Variants in ACSBG1 observed in about 807,000 individuals in gnomAD.
ACSBG1 encodes the protein long-chain-fatty-acid--CoA ligase ACSBG1.
A neutral mutation model predicts 80.2 loss-of-function variants in ACSBG1; 39 were observed. The observed-to-expected ratio is 0.49, with a 90% CI of 0.38 to 0.64. The LOEUF (loss-of-function observed/expected upper bound fraction) is 0.64. ACSBG1 is among the 30% of genes least tolerant of loss of function. ACSBG1 has a pLI of 0.00. For synonymous variants in ACSBG1, 392 were observed against 379.5 expected, an observed-to-expected ratio of 1.03 and a Z score of -0.38; for missense variants, 828 against 966.4, an observed-to-expected ratio of 0.86 and a Z score of 1.90.
At chr15:78,179,842 C>CACAT in intron 9 of ACSBG1, 62 bp from the exon 10 acceptor site, 4 of 934,216 alleles carry the variant, frequency 4.3e-6, no homozygotes, top group Non-Finnish European at 1.5e-6. Context: ...CACACACACA[C>CACAT]ATACACACAT....
chr15:78,210,723 C>T (rs2141370849), intron 1 of ACSBG1, among the ~76,000 whole-genome samples: 1 of 152,366 alleles, frequency 6.6e-6, no homozygotes, highest in South Asian at 2.1e-4. Flanking sequence ...AAGCAATCCT[C>T]TCATCTCAGC....
intron 13 of ACSBG1, among the ~76,000 whole-genome samples, chr15:78,173,065 G>C (rs949963257): frequency 5.3e-5 from 8 of 152,196 alleles, no homozygotes; most frequent in African/African-American, 1.9e-4. Context: ...GCACATATCA[G>C]CTGGGCGCAG....
chr15:78,206,965 G>A (rs2075221479), intron 2 of ACSBG1, among the ~76,000 whole-genome samples: 1 of 152,088 alleles, frequency 6.6e-6, no homozygotes, highest in African/African-American at 2.4e-5. Flanking sequence ...GTTTTGCTGT[G>A]GCCCAGGCCC....
intron 1 of ACSBG1, among the ~76,000 whole-genome samples, chr15:78,212,140 T>C (rs886087630): frequency 6.6e-6 from 1 of 152,168 alleles, no homozygotes; most frequent in African/African-American, 2.4e-5. Context: ...GCCACTGTTG[T>C]GTATGAAGTA....
At chr15:78,193,190 G>A (rs987338652) in intron 5 of ACSBG1, among the ~76,000 whole-genome samples, 8 of 152,046 alleles carry the variant, frequency 5.3e-5, no homozygotes, top group African/African-American at 1.2e-4. Context: ...AGAGGACCCC[G>A]GCCCCCACAG....
chr15:78,234,556 TTGAG>T lies in ACSBG1; in HGVS notation c.-59_-56del. 6.3e-7 allele frequency: 1 copy of T among 1,585,852 alleles called. No individual in the cohort carries two copies. Among genetic ancestry groups the T allele is most frequent in the Non-Finnish European group, 8.6e-7 (1 of 1,169,460 alleles). Reference sequence around the variant, plus strand: ...AGTCACCCACTGAGAGAGGCTAGCCTTGAGTGAGCAGTGGGGGTGGGCATGGGGC... The same window carrying T: ...AGTCACCCACTGAGAGAGGCTAGCCTTGAGCAGTGGGGGTGGGCATGGGGC... On this transcript the variant is annotated 5_prime_UTR_variant, in exon 1 of 14. Coordinates refer to ENST00000258873, the MANE Select transcript of ACSBG1 (RefSeq NM_015162.5).
intron 8 of ACSBG1, 60 bp from the exon 9 acceptor site, chr15:78,180,996 C>T: frequency 2.5e-6 from 4 of 1,568,822 alleles, no homozygotes; most frequent in South Asian, 1.2e-5. Context: ...CCAGGGGTCC[C>T]CTCTTACCAG....
At position 78,177,693 on chromosome 15, in the gene ACSBG1, C is replaced by T. The variant is rs2074896663; in HGVS notation, c.1702+921G>A. Among the ~76,000 whole-genome samples, 1 of 152,122 alleles carries T rather than the reference C, an allele frequency of 6.6e-6. No individual in the cohort carries two copies. Among genetic ancestry groups the T allele is most frequent in the African/African-American group, 2.4e-5 (1 of 41,424 alleles). ...GACCTTTTGTCCCTCCCTGGGGTGG[C>T]CGAGCCTCCATGGCCATCAGTTGGG... is the stretch of plus-strand genomic sequence containing the variant. On this transcript the variant is annotated intron_variant, in intron 11 of 13. Transcript: ENST00000258873. This position sits in a 1 kb window ranked among gnomAD's most constrained non-coding sequence, Gnocchi z 4.1.
At chr15:78,228,513 A>G (rs1057368220) in intron 1 of ACSBG1, among the ~76,000 whole-genome samples, 13 of 152,212 alleles carry the variant, frequency 8.5e-5, no homozygotes, top group African/African-American at 3.1e-4. Flanking sequence ...TCCTGACTTC[A>G]GGTCAGTTTG....
chr15:78,230,136 A>G (rs1282979951), intron 1 of ACSBG1, among the ~76,000 whole-genome samples: 1 of 152,164 alleles, frequency 6.6e-6, no homozygotes, highest in Non-Finnish European at 1.5e-5. Flanking sequence ...GGCCCTGGGC[A>G]GGCTCAAGGG....
intron 11 of ACSBG1, among the ~76,000 whole-genome samples, chr15:78,175,143 G>A (rs968918688): frequency 1.3e-5 from 2 of 152,348 alleles, no homozygotes; most frequent in Non-Finnish European, 1.5e-5. Context: ...CTCCCTGGAA[G>A]GTCCTCTCCC....
chr15:78,174,796 C>G (rs2074866756), intron 11 of ACSBG1: 1 of 484,532 alleles, frequency 2.1e-6, no homozygotes, highest in Non-Finnish European at 3.7e-6. Flanking sequence ...TCCATGGCCC[C>G]CTTCTGCCAG....
chr15:78,186,522 C>A (rs1432693317), intron 5 of ACSBG1, among the ~76,000 whole-genome samples: 1 of 152,196 alleles, frequency 6.6e-6, no homozygotes, highest in Non-Finnish European at 1.5e-5. Context: ...AAGAAACTCA[C>A]TCAAAACTGC....
At chr15:78,231,337 G>A (rs2075445710) in intron 1 of ACSBG1, among the ~76,000 whole-genome samples, 1 of 151,822 alleles carries the variant, frequency 6.6e-6, no homozygotes, top group Admixed American at 6.6e-5. Context: ...CTCCATGTGG[G>A]TCAGGCTGGT....
rs530469339 is a variant in ACSBG1, at chr15:78,231,438, AT to A, written c.131+2932del. On this transcript the variant is annotated intron_variant, in intron 1 of 13. Coordinates refer to ENST00000258873, the MANE Select transcript of ACSBG1 (RefSeq NM_015162.5). ...GAGCCACTGTGCTCAGCTTTTTTGT[AT>A]TTTTTTAAGCAAATTTTTGTATTTT... Among the ~76,000 whole-genome samples, 22 of 150,400 alleles carry A rather than the reference AT, an allele frequency of 1.5e-4. 1 individual carries two copies. The South Asian group carries it at 4.2e-3, about 29-fold the overall frequency.
intron 1 of ACSBG1, among the ~76,000 whole-genome samples, chr15:78,222,375 G>A (rs1454371677): frequency 6.6e-6 from 1 of 152,180 alleles, no homozygotes; most frequent in Admixed American, 6.6e-5. Context: ...TAAAATTAAG[G>A]TTGTAAGGCT....
intron 1 of ACSBG1, among the ~76,000 whole-genome samples, chr15:78,209,496 T>C (rs1011171): frequency 0.49 from 75,270 of 152,072 alleles, 19,275 homozygotes; most frequent in Middle Eastern, 0.69. Flanking sequence ...GACAGAGGCG[T>C]GTGAATGCTG....
At chr15:78,207,447 G>GTAT (rs549835497) in intron 2 of ACSBG1, among the ~76,000 whole-genome samples, 13 of 152,002 alleles carry the variant, frequency 8.6e-5, no homozygotes, top group Non-Finnish European at 1.0e-4. Context: ...CACAAAAGAT[G>GTAT]TATTATTATT....
At chr15:78,228,864 T>A (rs955547686) in intron 1 of ACSBG1, among the ~76,000 whole-genome samples, 1 of 152,210 alleles carries the variant, frequency 6.6e-6, no homozygotes, top group African/African-American at 2.4e-5. Flanking sequence ...AGCCAACTCC[T>A]ACTCCTGTTT....
Sources: allele counts gnomAD v4.1 joint callset (sites outside exome capture counted in the v4.1 genomes callset), GRCh38; gene constraint gnomAD v4.1.1; non-coding constraint Gnocchi (gnomAD v3.1); transcripts MANE v1.5; gene names NCBI Gene and HGNC (gene_info 2026-07-23, HGNC 2026-07-21).